Variants in MXI1 observed in about 807,000 individuals in gnomAD.
MXI1 encodes max-interacting protein 1.
In MXI1, 18 loss-of-function variants were observed where a neutral mutation model predicts 36.9. That is an observed-to-expected ratio of 0.49 (90% CI 0.34 to 0.72). The LOEUF is 0.72. Ranked by LOEUF, MXI1 falls within the 30% of genes least tolerant of loss-of-function variation. The probability of loss-of-function intolerance (pLI) is 0.01; values close to 1 mark genes in which losing one functional copy is unlikely to be tolerated. For synonymous variants in MXI1, 160 were observed against 146.7 expected, an observed-to-expected ratio of 1.09 and a Z score of -0.65; for missense variants, 304 against 379.1, an observed-to-expected ratio of 0.80 and a Z score of 1.64.
chr10:110,226,359 G>A, intron 1 of MXI1: 1 of 1,396,098 alleles, frequency 7.2e-7, no homozygotes, highest in Non-Finnish European at 9.3e-7. Flanking sequence ...CGGTAAGGGA[G>A]GGCACGCGTG....
chr10:110,261,613 C>A (rs1204013842), intron 3 of MXI1, among the ~76,000 whole-genome samples: 1 of 151,986 alleles, frequency 6.6e-6, no homozygotes, highest in African/African-American at 2.4e-5. Flanking sequence ...TACCCAATCC[C>A]ACTTTTTACT....
intron 1 of MXI1, chr10:110,226,089 G>T: frequency 9.0e-7 from 1 of 1,109,340 alleles, no homozygotes; most frequent in Non-Finnish European, 1.1e-6. Flanking sequence ...AGCCGCGGCC[G>T]AGCTGGCCCG....
At chr10:110,261,071 A>T in intron 3 of MXI1, 3 of 984,578 alleles carry the variant, frequency 3.0e-6, no homozygotes, top group Non-Finnish European at 3.6e-6. Context: ...CACTGCTCTT[A>T]CACAAAACAA....
At chr10:110,220,186 A>G (rs750823047) in intron 1 of MXI1, among the ~76,000 whole-genome samples, 2 of 152,192 alleles carry the variant, frequency 1.3e-5, no homozygotes, top group Non-Finnish European at 2.9e-5. Flanking sequence ...CCTTGGGCAA[A>G]TCACCTATCC....
At chr10:110,261,369 T>C (rs529199134) in intron 3 of MXI1, among the ~76,000 whole-genome samples, 40 of 152,094 alleles carry the variant, frequency 2.6e-4, no homozygotes, top group South Asian at 8.3e-4. Flanking sequence ...CTTCTATGGA[T>C]TGGCCATTTT....
At chr10:110,226,430 G>A (rs1256800728) in intron 1 of MXI1, 25 of 1,012,256 alleles carry the variant, frequency 2.5e-5, no homozygotes, top group Admixed American at 1.1e-4. Context: ...GCGCGCGTGA[G>A]GGTAGAGGAG....
intron 5 of MXI1, among the ~76,000 whole-genome samples, chr10:110,280,582 A>G (rs1270275901): frequency 6.6e-6 from 1 of 151,752 alleles, no homozygotes; most frequent in East Asian, 1.9e-4. Flanking sequence ...CGGGAGGCTG[A>G]GGCAGGAGAA....
At chr10:110,244,601 C>G (rs1240685170) in intron 2 of MXI1, among the ~76,000 whole-genome samples, 1 of 151,790 alleles carries the variant, frequency 6.6e-6, no homozygotes, top group Admixed American at 6.6e-5. Flanking sequence ...AACAATGAAA[C>G]TCCAGTTTCA....
In MXI1 at chr10:110,230,455, G is replaced by A. The variant is rs967460140; in HGVS notation, c.407+2134G>A. Among the ~76,000 whole-genome samples, 4 of 152,224 alleles carry A rather than the reference G, an allele frequency of 2.6e-5. No homozygotes were observed. The East Asian group carries it at 7.7e-4, about 29-fold the overall frequency. On this transcript the variant is annotated intron_variant, in intron 2 of 5. Transcript: ENST00000332674. ...TGTGTACATTAGACCACCTAAAACA[G>A]GAGAAGATACTTTTTTTATGGGAAT... is the stretch of plus-strand genomic sequence containing the variant.
intron 3 of MXI1, among the ~76,000 whole-genome samples, chr10:110,276,863 C>G (rs982630355): frequency 7.0e-6 from 1 of 143,846 alleles, no homozygotes; most frequent in Non-Finnish European, 1.5e-5. Context: ...TTTTTTCTTC[C>G]TGAGGCAGAG....
Position 110,282,779 on chromosome 10 carries a change from A to G in MXI1, c.725-2045A>G, listed in dbSNP as rs552736359. Among the ~76,000 whole-genome samples the G allele has an allele frequency of 8.5e-5, 13 of 152,302 alleles. No individual in the cohort carries two copies. In the South Asian group the frequency reaches 2.7e-3, roughly 32 times the overall value. ...GGGGCTTTTAGTTAACATCTGTGGTACACTTGGCTAAAGCAGTTTCTCATT... is the reference window on the plus strand; with the variant it reads ...GGGGCTTTTAGTTAACATCTGTGGTGCACTTGGCTAAAGCAGTTTCTCATT... On this transcript the variant is annotated intron_variant, in intron 5 of 5. Coordinates refer to ENST00000332674, the MANE Select transcript of MXI1 (RefSeq NM_130439.3).
intron 3 of MXI1, among the ~76,000 whole-genome samples, chr10:110,273,041 CTTTTTTTTTT>C (rs771024820): frequency 9.0e-6 from 1 of 110,864 alleles, no homozygotes; most frequent in African/African-American, 3.3e-5. Context: ...GCTTGTTTAG[CTTTTTTTTTT>C]TTTTTTTTTT....
chr10:110,269,330 C>G (rs1184459281), intron 3 of MXI1, among the ~76,000 whole-genome samples: 2 of 152,134 alleles, frequency 1.3e-5, no homozygotes, highest in Non-Finnish European at 2.9e-5. Flanking sequence ...TTAAAATGAG[C>G]TATTATACAA....
At chr10:110,261,626 TAG>T (rs1029227239) in intron 3 of MXI1, among the ~76,000 whole-genome samples, 5 of 152,202 alleles carry the variant, frequency 3.3e-5, no homozygotes, top group African/African-American at 1.2e-4. Context: ...TTTTTACTCT[TAG>T]ATCTAGTTTT....
At chr10:110,266,114 CTT>C (rs200154048) in intron 3 of MXI1, among the ~76,000 whole-genome samples, 2 of 146,902 alleles carry the variant, frequency 1.4e-5, no homozygotes, top group African/African-American at 5.0e-5. Flanking sequence ...TCTTTTCTTT[CTT>C]TTTTTTTTTG....
At chr10:110,216,665 GTTTTT>G (rs10656872) in intron 1 of MXI1, among the ~76,000 whole-genome samples, 8 of 79,060 alleles carry the variant, frequency 1.0e-4, no homozygotes, top group African/African-American at 4.0e-4. Flanking sequence ...TGTGTTTAAT[GTTTTT>G]TTTTTTTTTT....
At chr10:110,277,823 A>G (rs1171716735) in intron 3 of MXI1, among the ~76,000 whole-genome samples, 1 of 152,164 alleles carries the variant, frequency 6.6e-6, no homozygotes, top group Non-Finnish European at 1.5e-5. Flanking sequence ...ACTACCCTTA[A>G]TCATCCTTGC....
At chr10:110,218,405 A>G (rs1352704744) in intron 1 of MXI1, among the ~76,000 whole-genome samples, 2 of 151,174 alleles carry the variant, frequency 1.3e-5, no homozygotes, top group Non-Finnish European at 3.0e-5. Flanking sequence ...AGCCGAGATC[A>G]CACCACTGCA....
chr10:110,216,452 G>T (rs926819009), intron 1 of MXI1, among the ~76,000 whole-genome samples: 3 of 152,078 alleles, frequency 2.0e-5, no homozygotes, highest in African/African-American at 7.3e-5. Flanking sequence ...AGGTTTTAGA[G>T]GTAGAGTTCC....
Sources: gnomAD v4.1 joint callset for allele counts (sites outside exome capture counted in the v4.1 genomes callset) on GRCh38, gnomAD v4.1.1 for gene constraint, MANE v1.5 for transcripts, NCBI Gene and HGNC (gene_info 2026-07-23, HGNC 2026-07-21) for gene names.